Variants in RANBP3 observed in about 807,000 individuals in gnomAD.
The protein encoded by RANBP3 is RAN binding protein 3, also known as ran-binding protein 3.
RANBP3 carries 14 observed loss-of-function variants against 77.3 expected under a neutral mutation model. The observed-to-expected ratio is 0.18, with a 90% CI of 0.12 to 0.28. RANBP3 has a LOEUF of 0.28. Ranked by LOEUF, RANBP3 falls within the 10% of genes least tolerant of loss-of-function variation. RANBP3 has a pLI of 1.00. For missense variants in RANBP3, 586 were observed against 752.3 expected, an observed-to-expected ratio of 0.78 and a Z score of 2.59; for synonymous variants, 315 against 312.4, an observed-to-expected ratio of 1.01 and a Z score of -0.09.
chr19:5,925,825 A>C, intron 9 of RANBP3, 88 bp from the exon 10 acceptor site: 68 of 1,069,890 alleles, frequency 6.4e-5, no homozygotes, highest in East Asian at 2.5e-4. Context: ...CCTGAGCTGC[A>C]TGGAGCTGCT....
At chr19:5,933,898 G>A in intron 5 of RANBP3, 1 of 160,484 alleles carries the variant, frequency 6.2e-6, no homozygotes, top group African/African-American at 2.4e-5. Context: ...TGCGGCTGTG[G>A]CCAGGAAGAA....
Position 5,959,235 on chromosome 19 carries a change from T to C in RANBP3, c.23-1262A>G, listed in dbSNP as rs1439922422. ...ATGTCATAAAAGGCAAGGGGATGCC[T>C]GGGGTTGGTTTAGGTTGAAAGCAAA... On this transcript the variant is annotated intron_variant, in intron 1 of 16. Transcript: ENST00000340578. This position sits in a 1 kb window ranked among gnomAD's most constrained non-coding sequence, Gnocchi z 5.1. 1.3e-5 allele frequency among the ~76,000 whole-genome samples: 2 copies of C among 152,016 alleles called. No individual in the cohort carries two copies. The highest frequency in any genetic ancestry group is 2.9e-5 in the Non-Finnish European group (2 of 67,992).
Position 5,924,795 on chromosome 19 carries a change from T to C in RANBP3, c.996+32A>G. ...TGTGGCTGGCGCCGAGAGCCTCTGG[T>C]CCCTGAGAACATTCCCAACACAGCC... is the stretch of plus-strand genomic sequence containing the variant. On this transcript the variant is annotated intron_variant, in intron 11 of 16. Transcript: ENST00000340578. The surrounding 1 kb of genome is among the most constrained non-coding windows in gnomAD (Gnocchi z 4.7). 1 of 1,596,944 alleles carries C rather than the reference T, an allele frequency of 6.3e-7. No individual in the cohort carries two copies. The highest frequency in any genetic ancestry group is 8.6e-7 in the Non-Finnish European group (1 of 1,164,414).
At chr19:5,949,393 T>C (rs1174293302) in intron 3 of RANBP3, among the ~76,000 whole-genome samples, 1 of 152,210 alleles carries the variant, frequency 6.6e-6, no homozygotes, top group Non-Finnish European at 1.5e-5. Context: ...ACAGGAGCCC[T>C]TAGCAACCAG....
intron 7 of RANBP3, 147 bp downstream of exon 7, chr19:5,932,305 T>G (rs1599737087): frequency 8.6e-5 from 54 of 631,488 alleles, no homozygotes; most frequent in Middle Eastern, 3.2e-4. Flanking sequence ...GGCTGGGGGG[T>G]GATTTAAAGG....
At chr19:5,976,256 A>G (rs1568486949) in intron 1 of RANBP3, 1 of 152,120 alleles carries the variant, frequency 6.6e-6, no homozygotes, top group Non-Finnish European at 1.5e-5. Flanking sequence ...AACGCTCTAG[A>G]CTTACCTATG....
In RANBP3 at chr19:5,917,058, G is replaced by T. The variant is rs890827364; in HGVS notation, c.*552C>A. On this transcript the variant is annotated 3_prime_UTR_variant, in exon 17 of 17. Transcript: ENST00000340578. Reference sequence around the variant, plus strand: ...AATATACACCCCCAATCAGAGAGGGGAAGTGGGAAATGAAGATAGTAGTTA... The same window carrying T: ...AATATACACCCCCAATCAGAGAGGGTAAGTGGGAAATGAAGATAGTAGTTA... 1 of 158,150 alleles carries T rather than the reference G, an allele frequency of 6.3e-6. No individual in the cohort carries two copies. The highest frequency in any genetic ancestry group is 1.4e-5 in the Non-Finnish European group (1 of 70,566). 9.8% of individuals were successfully genotyped at this position (158,150 alleles called of 1,614,324 possible). A position where few individuals can be genotyped will look rare whatever the true frequency, so the allele number is the denominator to read the frequency against.
chr19:5,961,732 T>A (rs1465143727), intron 1 of RANBP3, among the ~76,000 whole-genome samples: 1 of 149,240 alleles, frequency 6.7e-6, no homozygotes, highest in African/African-American at 2.5e-5. Flanking sequence ...AAACTCTGTC[T>A]CAAAACAAAA....
At chr19:5,953,594 AG>A (rs2058300280) in intron 2 of RANBP3, among the ~76,000 whole-genome samples, 1 of 152,246 alleles carries the variant, frequency 6.6e-6, no homozygotes, top group East Asian at 1.9e-4. Flanking sequence ...CTCTGGAGAG[AG>A]AGCAACTGAA....
In RANBP3 at chr19:5,941,703, A is replaced by G. The variant is rs771923728; in HGVS notation, c.324T>C (p.Ser108=). The change falls in exon 5 of 17, where the codon TCT becomes TCC. Residue 108 remains serine (S), a synonymous_variant. Transcript: ENST00000340578. ...GGSSPEGGED[S]DREDGNYCPP... Reference sequence around the variant, plus strand: ...GGCAGTAATTTCCATCTTCTCTGTCAGAATCTACAGAAAATGATGAGAAGA... The same window carrying G: ...GGCAGTAATTTCCATCTTCTCTGTCGGAATCTACAGAAAATGATGAGAAGA... 1.2e-6 allele frequency: 2 copies of G among 1,613,584 alleles called. No homozygotes were observed. The highest frequency in any genetic ancestry group is 3.3e-5 in the Admixed American group (2 of 60,028).
chr19:5,960,836 G>T lies in RANBP3; in HGVS notation c.23-2863C>A, dbSNP rs1416133761. ...CGGAGCCTTCTGGACACACGGCAGG[G>T]CTGAGGGGCATGGGCCAGGAGAGGG... is the stretch of plus-strand genomic sequence containing the variant. On this transcript the variant is annotated intron_variant, in intron 1 of 16. Transcript: ENST00000340578. 2.6e-5 allele frequency among the ~76,000 whole-genome samples: 4 copies of T among 152,340 alleles called. No individual in the cohort carries two copies. The East Asian group carries it at 7.7e-4, about 29-fold the overall frequency.
chr19:5,962,998 A>AACAAC (rs1278647561), intron 1 of RANBP3, among the ~76,000 whole-genome samples: 1 of 152,212 alleles, frequency 6.6e-6, no homozygotes, highest in African/African-American at 2.4e-5. Flanking sequence ...AGGCTTCAAC[A>AACAAC]ACCTGCTTCA....
chr19:5,923,782 GC>G (rs756953950), intron 12 of RANBP3, 29 bp downstream of exon 12: 8 of 1,544,818 alleles, frequency 5.2e-6, no homozygotes, highest in Non-Finnish European at 7.2e-6. Context: ...CCTACCATGA[GC>G]CCCATGCTGT....
chr19:5,975,944 A>G (rs1264482214), intron 1 of RANBP3, among the ~76,000 whole-genome samples: 2 of 151,952 alleles, frequency 1.3e-5, no homozygotes, highest in African/African-American at 2.4e-5. Context: ...GGCGAGAGAG[A>G]AGGACAGGGA....
chr19:5,931,171 G>A (rs2057984787), intron 8 of RANBP3, among the ~76,000 whole-genome samples: 1 of 152,212 alleles, frequency 6.6e-6, no homozygotes, highest in African/African-American at 2.4e-5. Flanking sequence ...TTGCTTGGGA[G>A]ACACTCTTCT....
At chr19:5,923,140 G>T in intron 13 of RANBP3, 54 bp downstream of exon 13, 1 of 1,461,614 alleles carries the variant, frequency 6.8e-7, no homozygotes, top group South Asian at 1.1e-5. Context: ...CTTGCGGTTG[G>T]ACCCCCAGGT....
intron 3 of RANBP3, among the ~76,000 whole-genome samples, chr19:5,942,116 C>G (rs1201106158): frequency 6.6e-6 from 1 of 152,208 alleles, no homozygotes; most frequent in Non-Finnish European, 1.5e-5. Context: ...GTTACGCTAA[C>G]TGGCCTGCCA....
At chr19:5,933,293 G>C (rs2058020113) in intron 6 of RANBP3, 121 bp downstream of exon 6, 9 of 779,266 alleles carry the variant, frequency 1.2e-5, no homozygotes, top group Non-Finnish European at 1.8e-5. Flanking sequence ...GGGCTCGTGG[G>C]TCAAGTTACA....
At chr19:5,918,387 A>AGGGGCGG in intron 15 of RANBP3, 109 bp downstream of exon 15, 1 of 529,920 alleles carries the variant, frequency 1.9e-6, no homozygotes. Flanking sequence ...AAGCAACTGA[A>AGGGGCGG]GCCCCTCCCC....
Sources: gnomAD v4.1 joint callset for allele counts (sites outside exome capture counted in the v4.1 genomes callset) on GRCh38, gnomAD v4.1.1 for gene constraint, Gnocchi (gnomAD v3.1) non-coding constraint, MANE v1.5 for transcripts, NCBI Gene and HGNC (gene_info 2026-07-23, HGNC 2026-07-21) for gene names.